The following KLHL5 variants were observed in gnomAD, a reference collection of about 807,000 sequenced individuals.
KLHL5 encodes the protein kelch like family member 5.
A neutral mutation model predicts 77.7 loss-of-function variants in KLHL5; 48 were observed. The ratio of observed to expected loss-of-function variants is 0.62; its 90% CI spans 0.49 to 0.79. KLHL5 has a LOEUF of 0.79. KLHL5 is among the 30% of genes least tolerant of loss of function. The probability of loss-of-function intolerance (pLI) is 0.00; values close to 1 mark genes in which losing one functional copy is unlikely to be tolerated. For missense variants in KLHL5, 723 were observed against 859.7 expected, an observed-to-expected ratio of 0.84 and a Z score of 1.99; for synonymous variants, 260 against 297.0, an observed-to-expected ratio of 0.88 and a Z score of 1.28.
chr4:39,105,453 T>G (rs959953455), intron 7 of KLHL5, among the ~76,000 whole-genome samples: 1 of 152,008 alleles, frequency 6.6e-6, no homozygotes, highest in Non-Finnish European at 1.5e-5. Context: ...GGCTTAAAAT[T>G]TATTTTCAAA....
the KLHL5 span, among the ~76,000 whole-genome samples, chr4:39,133,689 C>G: frequency 6.6e-6 from 1 of 151,654 alleles, no homozygotes; most frequent in African/African-American, 2.4e-5. Context: ...GAGAAAAATG[C>G]CCAATATAAT....
At position 39,124,792 on chromosome 4, in the gene KLHL5, GCAA is replaced by G; in HGVS notation, c.*3732_*3734del. Among the ~76,000 whole-genome samples, 4 of 39,410 alleles carry G rather than the reference GCAA, an allele frequency of 1.0e-4. No individual in the cohort carries two copies. The highest frequency in any genetic ancestry group is 2.1e-4 in the Non-Finnish European group (4 of 19,278). 25.9% of individuals were successfully genotyped at this position (39,410 alleles called of 152,430 possible). A position where few individuals can be genotyped will look rare whatever the true frequency, so the allele number is the denominator to read the frequency against. On this transcript the variant is annotated 3_prime_UTR_variant, in exon 11 of 11. Coordinates refer to ENST00000504108, the MANE Select transcript of KLHL5 (RefSeq NM_015990.5). Reference sequence around the variant, plus strand: ...CTTAGATATGGCACCAAAAGCACAAGCAACAACAGCAAAAAAAAAAAAAAAAAA... The same window carrying G: ...CTTAGATATGGCACCAAAAGCACAAGCAACAGCAAAAAAAAAAAAAAAAAA...
chr4:39,104,477 A>G (rs1303042881), intron 7 of KLHL5, among the ~76,000 whole-genome samples: 1 of 152,158 alleles, frequency 6.6e-6, no homozygotes, highest in Non-Finnish European at 1.5e-5. Context: ...GGGGAAGAAA[A>G]TATAATTCTA....
chr4:39,127,186 A>C (rs563263344), downstream of KLHL5, among the ~76,000 whole-genome samples: 23 of 152,000 alleles, frequency 1.5e-4, no homozygotes, highest in African/African-American at 5.3e-4. Flanking sequence ...AAAATACTAA[A>C]ATTAGCCAGG....
rs141535229 is a variant in KLHL5, at chr4:39,115,196, T to C, written c.1939T>C (p.Ser647Pro). The C allele has an allele frequency of 8.1e-6, 13 of 1,613,458 alleles. No homozygotes were observed. The Admixed American group carries it at 1.2e-4, about 15-fold the overall frequency. Residue 647 changes from serine (S) to proline (P), a missense_variant, in exon 10 of 11, where the codon TCC becomes CCC. This residue lies in a region of KLHL5 where 214 missense variants were observed against 237.4 expected (regional missense o/e 0.90). Transcript: ENST00000504108. ...AACAGACATGTGGACTGCAGTAGCA[T>C]CCATGAGCATCAGCAGAGATGCAGT... Reference protein sequence around the residue: ...PKTDMWTAVASMSISRDAVGV... With the variant: ...PKTDMWTAVAPMSISRDAVGV...
chr4:39,106,308 T>C (rs1221493794), intron 7 of KLHL5, among the ~76,000 whole-genome samples: 1 of 152,210 alleles, frequency 6.6e-6, no homozygotes, highest in Non-Finnish European at 1.5e-5. Flanking sequence ...TTCACATTCC[T>C]GCTTAAATGT....
chr4:39,073,739 G>T (rs1718716771), intron 1 of KLHL5, among the ~76,000 whole-genome samples: 1 of 151,832 alleles, frequency 6.6e-6, no homozygotes, highest in Non-Finnish European at 1.5e-5. Flanking sequence ...CTGCCTCCTT[G>T]GTTCAAACGA....
chr4:39,093,155 G>A, intron 5 of KLHL5: 1 of 455,536 alleles, frequency 2.2e-6, no homozygotes, highest in South Asian at 1.6e-5. Context: ...CCCCGATGGT[G>A]GAATATTACT....
At chr4:39,060,775 G>A (rs948109840), upstream of KLHL5, among the ~76,000 whole-genome samples, 2 of 152,036 alleles carry the variant, frequency 1.3e-5, no homozygotes, top group Non-Finnish European at 2.9e-5. Context: ...AGAGGAGAGG[G>A]GAAAGTGTCA....
Position 39,062,423 on chromosome 4 carries a change from AACGGAATGTTCC to A in KLHL5, c.-227_-216del. 1.3e-6 allele frequency: 2 copies of A among 1,498,884 alleles called. No homozygotes were observed. Among genetic ancestry groups the A allele is most frequent in the Non-Finnish European group, 1.8e-6 (2 of 1,131,694 alleles). 92.8% of individuals were successfully genotyped at this position (1,498,884 alleles called of 1,614,324 possible). A position where few individuals can be genotyped will look rare whatever the true frequency, so the allele number is the denominator to read the frequency against. On this transcript the variant is annotated 5_prime_UTR_variant, in exon 1 of 11. It removes an upstream start codon present in the reference 5' UTR. Transcript: ENST00000504108. ...GGTGGATGAGAGTTTGCTCTGATTG[AACGGAATGTTCC>A]ACCGTGTTTCATCTTTATTCATTAT... is the stretch of plus-strand genomic sequence containing the variant.
intron 5 of KLHL5, among the ~76,000 whole-genome samples, chr4:39,094,777 TG>T (rs1348315568): frequency 6.6e-6 from 1 of 152,038 alleles, no homozygotes; most frequent in African/African-American, 2.4e-5. Context: ...ATTTAATAAG[TG>T]GTACAGAACT....
At chr4:39,119,149 A>G (rs962049112) in intron 10 of KLHL5, among the ~76,000 whole-genome samples, 6 of 152,210 alleles carry the variant, frequency 3.9e-5, no homozygotes, top group Non-Finnish European at 8.8e-5. Context: ...GAGACTTGTT[A>G]TTATTTATAA....
chr4:39,075,526 CAA>C (rs1718936335), intron 1 of KLHL5, among the ~76,000 whole-genome samples: 1 of 152,000 alleles, frequency 6.6e-6, no homozygotes, highest in South Asian at 2.1e-4. Flanking sequence ...GTTTTTATGA[CAA>C]TATATTTTTT....
chr4:39,142,824 C>T, the KLHL5 span, among the ~76,000 whole-genome samples: 3 of 150,218 alleles, frequency 2.0e-5, no homozygotes, highest in African/African-American at 4.9e-5. Flanking sequence ...ATGGTGCATA[C>T]GACATAGTTC....
At position 39,113,018 on chromosome 4, in the gene KLHL5, A is replaced by G; in HGVS notation, c.1689-2A>G. On this transcript the variant is annotated splice_acceptor_variant, in intron 8 of 10. Transcript: ENST00000504108. LOFTEE classifies it high-confidence loss of function. ...TTATCATTTCATATATTCTTTTTGC[A>G]GACTTTATGCAGTTGGTGGTCGTGA... 6.2e-7 allele frequency: 1 copy of G among 1,612,116 alleles called. No individual in the cohort carries two copies. Among genetic ancestry groups the G allele is most frequent in the Non-Finnish European group, 8.5e-7 (1 of 1,179,346 alleles).
At chr4:39,117,879 A>G (rs1471852998) in intron 10 of KLHL5, among the ~76,000 whole-genome samples, 2 of 152,130 alleles carry the variant, frequency 1.3e-5, no homozygotes, top group African/African-American at 4.8e-5. Context: ...GTTCGAGACC[A>G]GCATGGCCGA....
chr4:39,053,703 G>C (rs955088095), intron 1 of KLHL5, among the ~76,000 whole-genome samples: 1 of 152,264 alleles, frequency 6.6e-6, no homozygotes, highest in South Asian at 2.1e-4. Context: ...CAAAAGTAAC[G>C]ATTTTGTTAT....
chr4:39,077,185 G>A (rs1181190588), intron 2 of KLHL5, among the ~76,000 whole-genome samples: 16 of 152,050 alleles, frequency 1.1e-4, no homozygotes, highest in Non-Finnish European at 1.8e-4. Context: ...TTGGCCGGGC[G>A]CGGTGGCTCA....
At position 39,113,222 on chromosome 4, in the gene KLHL5, T is replaced by C. The variant is rs1244485197; in HGVS notation, c.1891T>C (p.Cys631Arg). 2.5e-6 allele frequency: 4 copies of C among 1,611,858 alleles called. No homozygotes were observed. The highest frequency in any genetic ancestry group is 3.4e-6 in the Non-Finnish European group (4 of 1,178,882). ...CAACTTGACTTCCAGACTCTCAGACTGTGTGGAAAGGTAATTTCCTGGGAA... is the reference window on the plus strand; with the variant it reads ...CAACTTGACTTCCAGACTCTCAGACCGTGTGGAAAGGTAATTTCCTGGGAA... ...ASNLTSRLSD[C>R]VERYDPKTDM... Residue 631 changes from cysteine to arginine, a missense_variant, in exon 9 of 11, where the codon TGT becomes CGT. Around this residue, in one of 3 missense-constraint regions of KLHL5, gnomAD observed 214 missense variants for 237.4 expected, o/e 0.90. Coordinates refer to ENST00000504108, the MANE Select transcript of KLHL5 (RefSeq NM_015990.5).
Sources: allele counts gnomAD v4.1 joint callset (sites outside exome capture counted in the v4.1 genomes callset), GRCh38; gene constraint gnomAD v4.1.1; regional missense constraint gnomAD v4.1.1; transcripts MANE v1.5; gene names NCBI Gene and HGNC (gene_info 2026-07-23, HGNC 2026-07-21).